Variants in C5 observed in about 807,000 individuals in gnomAD.
C5 encodes C3 and PZP-like alpha-2-macroglobulin domain-containing protein 4.
Under a neutral mutation model 218.8 loss-of-function variants are expected in C5, and 140 were observed. The observed-to-expected ratio is 0.64, with a 90% CI of 0.56 to 0.74. C5 has a LOEUF of 0.74. Ranked by LOEUF, C5 falls within the 30% of genes least tolerant of loss-of-function variation. The probability of loss-of-function intolerance (pLI) is 0.00; values close to 1 mark genes in which losing one functional copy is unlikely to be tolerated. For missense variants in C5, 1,700 were observed against 1,969.6 expected (o/e 0.86, Z 2.59); for synonymous variants, 614 against 682.3 (o/e 0.90, Z 1.56).
intron 31 of C5, 52 bp from the exon 32 acceptor site, chr9:120,970,303 C>A: frequency 8.0e-7 from 1 of 1,253,120 alleles, no homozygotes; most frequent in East Asian, 2.3e-5. Context: ...GGGAAAGTGA[C>A]AAAGGTATTA....
intron 20 of C5, among the ~76,000 whole-genome samples, chr9:121,004,423 G>A (rs2047198618): frequency 6.6e-6 from 1 of 152,108 alleles, no homozygotes; most frequent in Non-Finnish European, 1.5e-5. Context: ...CATTAGGGGA[G>A]TAAAATGGAA....
At chr9:121,053,034 T>A (rs1435403856), upstream of C5, among the ~76,000 whole-genome samples, 2 of 152,132 alleles carry the variant, frequency 1.3e-5, no homozygotes, top group African/African-American at 4.8e-5. Flanking sequence ...ATTCAGCCCA[T>A]CAGATTGCGA....
rs539253708 is a variant in C5, at chr9:121,043,324, C to T, written c.259-158G>A. Among the ~76,000 whole-genome samples the T allele has an allele frequency of 7.9e-5, 12 of 152,222 alleles. No homozygotes were observed. In the East Asian group the frequency reaches 9.6e-4, roughly 12 times the overall value. ...GCAAGAAGAGTAAATAAATTTTGCCCGAAGCCCTTCAGTGTCTAATTACAT... is the reference window on the plus strand; with the variant it reads ...GCAAGAAGAGTAAATAAATTTTGCCTGAAGCCCTTCAGTGTCTAATTACAT... On this transcript the variant is annotated intron_variant, in intron 2 of 40. Transcript: ENST00000223642.
chr9:121,045,077 G>A (rs1439886220), intron 2 of C5, among the ~76,000 whole-genome samples: 1 of 151,506 alleles, frequency 6.6e-6, no homozygotes, highest in Admixed American at 6.6e-5. Flanking sequence ...AGTCTCCCGA[G>A]TAGCTGGGAT....
chr9:121,018,325 G>A (rs536605591), intron 12 of C5, among the ~76,000 whole-genome samples: 1 of 148,540 alleles, frequency 6.7e-6, no homozygotes, highest in Admixed American at 6.8e-5. Context: ...TGTAATCCCA[G>A]AAGTTTGGGA....
At position 120,960,318 on chromosome 9, in the gene C5, C is replaced by T. The variant is rs777605526; in HGVS notation, c.4608G>A (p.Gln1536=). 3.1e-6 allele frequency: 5 copies of T among 1,612,926 alleles called. No homozygotes were observed. The highest frequency in any genetic ancestry group is 1.3e-5 in the African/African-American group (1 of 74,998). ...KCVEADCGQM[Q]EELDLTISAE... ...CAGAGATTGTCAGATCCAATTCTTC[C>T]TGCATTTGCCCACAATCAGCTGGAT... is the stretch of plus-strand genomic sequence containing the variant. Residue 1536 remains glutamine (Q), a synonymous_variant, in exon 38 of 41, where the codon CAG becomes CAA. Transcript: ENST00000223642.
At chr9:121,027,517 C>T (rs946892558) in intron 7 of C5, among the ~76,000 whole-genome samples, 3 of 152,122 alleles carry the variant, frequency 2.0e-5, no homozygotes, top group Non-Finnish European at 2.9e-5. Context: ...TGGAACAGAA[C>T]AGAGGCCTCA....
intron 3 of C5, among the ~76,000 whole-genome samples, chr9:121,041,297 CTTTTTT>C (rs386416117): frequency 1.4e-4 from 10 of 72,678 alleles, no homozygotes; most frequent in African/African-American, 5.5e-4. Context: ...TACATGAAGC[CTTTTTT>C]TTTTTTTTTT....
intron 25 of C5, among the ~76,000 whole-genome samples, chr9:120,987,981 C>G (rs917880112): frequency 6.6e-6 from 1 of 152,030 alleles, no homozygotes; most frequent in African/African-American, 2.4e-5. Flanking sequence ...TTCATAGAGA[C>G]GGGGTTTCAC....
chr9:121,023,565 T>C (rs747009096), intron 9 of C5, 46 bp from the exon 10 acceptor site: 2 of 1,013,476 alleles, frequency 2.0e-6, no homozygotes, highest in Non-Finnish European at 3.2e-6. Context: ...AGGAGTATCA[T>C]GATCTGTATG....
intron 14 of C5, among the ~76,000 whole-genome samples, chr9:121,017,008 A>G (rs1203869907): frequency 2.6e-5 from 4 of 152,194 alleles, no homozygotes; most frequent in Non-Finnish European, 5.9e-5. Context: ...TGAGAATTTA[A>G]AAAAAATCCA....
intron 15 of C5, among the ~76,000 whole-genome samples, chr9:121,015,629 T>C (rs1290561547): frequency 1.3e-5 from 2 of 152,338 alleles, no homozygotes; most frequent in African/African-American, 2.4e-5. Flanking sequence ...AATATAACTA[T>C]GAATACCACA....
chr9:120,994,094 C>G (rs1428710307), intron 22 of C5, among the ~76,000 whole-genome samples: 3 of 152,098 alleles, frequency 2.0e-5, no homozygotes, highest in Non-Finnish European at 4.4e-5. Context: ...AGCATTGAGT[C>G]TCTGTGTTTA....
intron 22 of C5, among the ~76,000 whole-genome samples, chr9:120,993,536 C>T (rs1215338066): frequency 1.3e-5 from 2 of 152,210 alleles, no homozygotes; most frequent in African/African-American, 2.4e-5. Flanking sequence ...CCTTCTCCTG[C>T]CTCAGCCTCC....
chr9:120,995,831 T>C (rs1013662915), intron 22 of C5, among the ~76,000 whole-genome samples: 2 of 151,180 alleles, frequency 1.3e-5, no homozygotes, highest in Non-Finnish European at 3.0e-5. Context: ...TTTTTTTTTT[T>C]TTTTTTTGAC....
At chr9:120,961,960 G>A (rs41312911) in intron 36 of C5, among the ~76,000 whole-genome samples, 1,622 of 152,242 alleles carry the variant, frequency 0.011, 35 homozygotes, top group African/African-American at 0.037. Context: ...GACTATGTAT[G>A]TTCTATGTGA....
At chr9:120,969,759 T>A (rs913302229) in intron 32 of C5, among the ~76,000 whole-genome samples, 9 of 152,142 alleles carry the variant, frequency 5.9e-5, no homozygotes, top group Non-Finnish European at 1.5e-5. Context: ...CCCCTTGGAA[T>A]ACAGAAAGGC....
Position 120,962,918 on chromosome 9 carries a change from C to A in C5, c.4373G>T (p.Gly1458Val). Residue 1458 changes from glycine to valine, a missense_variant, in exon 35 of 41, where the codon GGA (glycine) becomes GTA (valine). Transcript: ENST00000223642. ...CGAATTCAGTTGCAGAATAACATGTCCATCTTTGATTTGGTAATCAGTGAA... is the reference window on the plus strand; with the variant it reads ...CGAATTCAGTTGCAGAATAACATGTACATCTTTGATTTGGTAATCAGTGAA... ...QLFTDYQIKD[G>V]HVILQLNSIP... 2 of 1,614,100 alleles carry A rather than the reference C, an allele frequency of 1.2e-6. No individual in the cohort carries two copies. The highest frequency in any genetic ancestry group is 2.2e-5 in the East Asian group (1 of 44,870).
At chr9:121,028,936 G>A (rs2047449935) in intron 7 of C5, among the ~76,000 whole-genome samples, 1 of 151,970 alleles carries the variant, frequency 6.6e-6, no homozygotes. Flanking sequence ...TTGATCTTGG[G>A]GAGATCACAA....
Sources: allele counts gnomAD v4.1 joint callset (sites outside exome capture counted in the v4.1 genomes callset), GRCh38; gene constraint gnomAD v4.1.1; transcripts MANE v1.5; gene names NCBI Gene and HGNC (gene_info 2026-07-23, HGNC 2026-07-21).